PTPRS: variants seen among roughly 807,000 people sequenced by gnomAD.
The protein encoded by PTPRS is receptor-type tyrosine-protein phosphatase S.
PTPRS carries 63 observed loss-of-function variants against 215.3 expected under a neutral mutation model. That is an observed-to-expected ratio of 0.29 (90% CI 0.24 to 0.36). The LOEUF (loss-of-function observed/expected upper bound fraction) is 0.36, where lower values mean the gene tolerates loss of function less well. PTPRS is among the 10% of genes least tolerant of loss of function. The probability of loss-of-function intolerance (pLI) is 1.00; values close to 1 mark genes in which losing one functional copy is unlikely to be tolerated. For synonymous variants in PTPRS, 1,404 were observed against 1,191.4 expected, an observed-to-expected ratio of 1.18 and a Z score of -3.68; for missense variants, 2,258 against 2,825.8, an observed-to-expected ratio of 0.80 and a Z score of 4.56.
rs2041311392 is a variant in PTPRS at position 5,215,217 on chromosome 19, G to A, written c.4318+72C>T. ...CCAGAATCAGGCCTCAGTGGCCCAA[G>A]GGGAGACATGGGATCTAGCACTTTC... On this transcript the variant is annotated intron_variant, in intron 28 of 37. Transcript: ENST00000262963. 4 of 1,585,556 alleles carry A rather than the reference G, an allele frequency of 2.5e-6. No individual in the cohort carries two copies. The Admixed American group carries it at 5.1e-5, about 20-fold the overall frequency.
At chr19:5,226,274 A>G (rs576155821) in intron 16 of PTPRS, among the ~76,000 whole-genome samples, 214 of 152,202 alleles carry the variant, frequency 1.4e-3, no homozygotes, top group African/African-American at 5.0e-3. Context: ...CTGTTCCTCC[A>G]ATGCACCAGG....
intron 1 of PTPRS, among the ~76,000 whole-genome samples, chr19:5,296,244 T>A (rs2049130535): frequency 6.6e-6 from 1 of 151,986 alleles, no homozygotes; most frequent in Non-Finnish European, 1.5e-5. Flanking sequence ...GCCCTGAGGA[T>A]GATTGGGTTC....
rs34962301 is a variant in PTPRS at position 5,223,409 on chromosome 19, TG to T, written c.2495-113del. Reference sequence around the variant, plus strand: ...CCTTCAATATAACATTTTTTTGAGTTGGGGGGGGTCTTACTCTGTTGCCCAG... The same window carrying T: ...CCTTCAATATAACATTTTTTTGAGTTGGGGGGGTCTTACTCTGTTGCCCAG... On this transcript the variant is annotated intron_variant, in intron 17 of 37. Transcript: ENST00000262963. 91 of 1,107,766 alleles carry T rather than the reference TG, an allele frequency of 8.2e-5. 1 individual carries two copies. Among genetic ancestry groups the T allele is most frequent in the South Asian group, 3.2e-4 (15 of 47,128 alleles). The allele number at this position is 1,107,766 out of a possible 1,614,324, so 68.6% of individuals were successfully genotyped here. A position where few individuals can be genotyped will look rare whatever the true frequency, so the allele number is the denominator to read the frequency against.
intron 11 of PTPRS, among the ~76,000 whole-genome samples, chr19:5,241,630 C>T (rs1226171109): frequency 6.6e-6 from 1 of 151,866 alleles, no homozygotes; most frequent in Non-Finnish European, 1.5e-5. Context: ...TATCCGCTCA[C>T]AGACATGGAC....
rs755221691 is a variant in PTPRS, at chr19:5,294,166, G to C, written c.-94-7932C>G. The C allele has an allele frequency of 6.6e-6, 1 of 152,308 alleles. No homozygotes were observed. Among genetic ancestry groups the C allele is most frequent in the Non-Finnish European group, 1.5e-5 (1 of 68,080 alleles). The allele number at this position is 152,308 out of a possible 1,614,324, so 9.4% of individuals were successfully genotyped here. A position where few individuals can be genotyped will look rare whatever the true frequency, so the allele number is the denominator to read the frequency against. The stretch of plus-strand genomic sequence containing the variant: ...TCCCAGCATTCGCGCTGAGGACGAA[G>C]CCCGAACGCCAACGCCAACGGGATG... On this transcript the variant is annotated intron_variant, in intron 1 of 37. Transcript: ENST00000262963. The surrounding 1 kb of genome is among the most constrained non-coding windows in gnomAD (Gnocchi z 5.1).
intron 1 of PTPRS, among the ~76,000 whole-genome samples, chr19:5,312,765 C>T (rs752122879): frequency 6.6e-6 from 1 of 152,248 alleles, no homozygotes; most frequent in Admixed American, 6.5e-5. Flanking sequence ...GTCTTTTACA[C>T]ATAATATCTC....
At chr19:5,208,658 T>A (rs2040590113) in intron 35 of PTPRS, among the ~76,000 whole-genome samples, 1 of 152,104 alleles carries the variant, frequency 6.6e-6, no homozygotes, top group South Asian at 2.1e-4. Flanking sequence ...CTCACCCCCA[T>A]TTTGTACACT....
chr19:5,302,901 C>CAAAAAAAAAA (rs61244607), intron 1 of PTPRS, among the ~76,000 whole-genome samples: 3 of 112,558 alleles, frequency 2.7e-5, no homozygotes, highest in Non-Finnish European at 3.7e-5. Flanking sequence ...ACTAAAAATA[C>CAAAAAAAAAA]AAAAAAAAAA....
intron 25 of PTPRS, among the ~76,000 whole-genome samples, chr19:5,217,384 G>A (rs1029191591): frequency 1.3e-5 from 2 of 152,064 alleles, no homozygotes; most frequent in South Asian, 4.2e-4. Context: ...AAAGCAACAC[G>A]AATCAGTACA....
At position 5,214,485 on chromosome 19, in the gene PTPRS, A is replaced by G. The variant is rs555156092; in HGVS notation, c.4495-5T>C. 3 of 1,614,096 alleles carry G rather than the reference A, an allele frequency of 1.9e-6. No individual in the cohort carries two copies. The highest frequency in any genetic ancestry group is 3.3e-5 in the Admixed American group (2 of 60,028). ...CCAATACTGATCACACTTGATCTGT[A>G]TCGGGCAAGAGAACAGGTGTCAGCA... is the stretch of plus-strand genomic sequence containing the variant. On this transcript the variant is annotated splice_polypyrimidine_tract_variant and splice_region_variant and intron_variant, in intron 29 of 37. Transcript: ENST00000262963.
intron 2 of PTPRS, among the ~76,000 whole-genome samples, chr19:5,277,352 A>G (rs569101700): frequency 3.3e-5 from 5 of 152,212 alleles, no homozygotes; most frequent in African/African-American, 9.6e-5. Flanking sequence ...AGAATACTAC[A>G]TAAGTATAAA....
chr19:5,298,649 C>T (rs147991605), intron 1 of PTPRS, among the ~76,000 whole-genome samples: 202 of 152,360 alleles, frequency 1.3e-3, no homozygotes, highest in Non-Finnish European at 2.6e-3. Flanking sequence ...GTTCACATCA[C>T]AGCCCTGGCG....
At chr19:5,326,060 G>C (rs2050158525) in intron 1 of PTPRS, among the ~76,000 whole-genome samples, 1 of 152,106 alleles carries the variant, frequency 6.6e-6, no homozygotes, top group African/African-American at 2.4e-5. Context: ...GTGAAACGCT[G>C]TCACTACCAA....
At chr19:5,249,184 G>A (rs2044773488) in intron 9 of PTPRS, among the ~76,000 whole-genome samples, 2 of 152,110 alleles carry the variant, frequency 1.3e-5, no homozygotes, top group Admixed American at 6.6e-5. Context: ...GGCGGCGGGC[G>A]CCTGTAATCC....
At chr19:5,313,866 G>A (rs2049787032) in intron 1 of PTPRS, among the ~76,000 whole-genome samples, 1 of 152,080 alleles carries the variant, frequency 6.6e-6, no homozygotes, top group Non-Finnish European at 1.5e-5. Context: ...GGAGCCTGAG[G>A]CAGGCGGACT....
At chr19:5,212,982 T>G (rs1454561263) in intron 30 of PTPRS, among the ~76,000 whole-genome samples, 1 of 152,052 alleles carries the variant, frequency 6.6e-6, no homozygotes, top group African/African-American at 2.4e-5. Context: ...GTATCTGGCC[T>G]TCTCCCCAAA....
rs1195141314 is a variant in PTPRS, at chr19:5,229,600, C to A, written c.2240G>T (p.Gly747Val). 1.2e-5 allele frequency: 17 copies of A among 1,428,352 alleles called. No individual in the cohort carries two copies. Among genetic ancestry groups the A allele is most frequent in the Admixed American group, 2.7e-5 (1 of 36,554 alleles). 88.5% of individuals were successfully genotyped at this position (1,428,352 alleles called of 1,614,324 possible). ...GCCGCGGATCTGGCCGTGCTGCCGGCCGGGCGCGGGCGAGCGCCACAGCAC... is the reference window on the plus strand; with the variant it reads ...GCCGCGGATCTGGCCGTGCTGCCGGACGGGCGCGGGCGAGCGCCACAGCAC... ...IRVLWRSPAP[G>V]RQHGQIRGYQ... Residue 747 changes from glycine to valine, a missense_variant, in exon 15 of 38, where the codon GGC (glycine) becomes GTC (valine). Coordinates refer to ENST00000262963, the MANE Select transcript of PTPRS (RefSeq NM_002850.4).
chr19:5,233,040 G>A (rs553987231), intron 13 of PTPRS, among the ~76,000 whole-genome samples: 120 of 151,848 alleles, frequency 7.9e-4, no homozygotes, highest in African/African-American at 2.7e-3. Context: ...AAGGGAAGCA[G>A]CAACAAAAGC....
At position 5,222,953 on chromosome 19, in the gene PTPRS, G is replaced by C; in HGVS notation, c.2839C>G (p.Leu947Val). ...GGCACGGGTGGCAGCCAGCGGAGAA[G>C]GACGGTCCCGGCCGAGGCGTTGCCG... ...AAGNASAGTV[L>V]LRWLPPVPAE... The change falls in exon 18 of 38, where the codon CTT becomes GTT. Residue 947 changes from leucine (L) to valine (V), a missense_variant. This residue lies in a region of PTPRS where 361 missense variants were observed against 332.6 expected (regional missense o/e 1.09). Transcript: ENST00000262963. 6.5e-7 allele frequency: 1 copy of C among 1,548,530 alleles called. No individual in the cohort carries two copies. The highest frequency in any genetic ancestry group is 1.2e-5 in the South Asian group (1 of 85,494).
Sources: allele counts gnomAD v4.1 joint callset (sites outside exome capture counted in the v4.1 genomes callset), GRCh38; gene constraint gnomAD v4.1.1; regional missense constraint gnomAD v4.1.1; non-coding constraint Gnocchi (gnomAD v3.1); transcripts MANE v1.5; gene names NCBI Gene and HGNC (gene_info 2026-07-23, HGNC 2026-07-21).